The following CHD1 variants were observed in gnomAD, a reference collection of about 807,000 sequenced individuals.
CHD1 encodes ATP-dependent chromatin remodeler CHD1.
In CHD1, 36 loss-of-function variants were observed where a neutral mutation model predicts 224.2. The ratio of observed to expected loss-of-function variants is 0.16; its 90% CI spans 0.12 to 0.21. The LOEUF (loss-of-function observed/expected upper bound fraction) is 0.21, where lower values mean the gene tolerates loss of function less well. Ranked by LOEUF, CHD1 falls within the 10% of genes least tolerant of loss-of-function variation. CHD1 has a pLI of 1.00. For missense variants in CHD1, 1,378 were observed against 1,994.8 expected (o/e 0.69, Z 5.89); for synonymous variants, 668 against 658.3 (o/e 1.01, Z -0.23).
At chr5:98,861,764 C>T (rs967184306) in intron 32 of CHD1, among the ~76,000 whole-genome samples, 25 of 151,512 alleles carry the variant, frequency 1.7e-4, no homozygotes, top group Non-Finnish European at 2.9e-4. Context: ...GGCCTCCCAA[C>T]GTGCTGGGAT....
In CHD1 at chr5:98,855,027, CAT is replaced by C. The variant is rs1272062870; in HGVS notation, c.*1351_*1352del. On this transcript the variant is annotated 3_prime_UTR_variant, in exon 36 of 36. Transcript: ENST00000614616. The stretch of plus-strand genomic sequence containing the variant: ...CTAAGTTTTACTTCATAGGAATATT[CAT>C]AGTCTCCAAAACAGATTTAGTTGTA... 1 of 152,122 alleles carries C rather than the reference CAT, an allele frequency of 6.6e-6. No individual in the cohort carries two copies. Among genetic ancestry groups the C allele is most frequent in the Non-Finnish European group, 1.5e-5 (1 of 68,028 alleles). 9.4% of individuals were successfully genotyped at this position (152,122 alleles called of 1,614,324 possible).
intron 23 of CHD1, among the ~76,000 whole-genome samples, chr5:98,878,854 C>G (rs1279133231): frequency 1.3e-5 from 2 of 151,996 alleles, no homozygotes; most frequent in African/African-American, 4.8e-5. Context: ...GAAAAAGTAA[C>G]GCTTAAAGAA....
In CHD1 at chr5:98,898,441, G is replaced by A. The variant is rs1419719552; in HGVS notation, c.1187-7C>T. 1 of 1,551,128 alleles carries A rather than the reference G, an allele frequency of 6.4e-7. No homozygotes were observed. ...GACTTTTGATTGGAATGAGCTGTGA[G>A]AGAATCAGGCATTTACTTATTTATT... On this transcript the variant is annotated splice_polypyrimidine_tract_variant and splice_region_variant and intron_variant, in intron 9 of 35. Coordinates refer to ENST00000614616, the MANE Select transcript of CHD1 (RefSeq NM_001270.4).
intron 17 of CHD1, among the ~76,000 whole-genome samples, chr5:98,887,261 C>T (rs973268851): frequency 3.3e-5 from 5 of 152,130 alleles, no homozygotes; most frequent in African/African-American, 1.2e-4. Context: ...CACCAAATAC[C>T]TGTCCTTCTT....
chr5:98,877,310 G>A (rs1156643399), intron 23 of CHD1, among the ~76,000 whole-genome samples: 1 of 152,144 alleles, frequency 6.6e-6, no homozygotes, highest in African/African-American at 2.4e-5. Flanking sequence ...AGAAGAAAAA[G>A]TTCCAAATTA....
At chr5:98,861,066 G>A (rs1054115551) in intron 32 of CHD1, among the ~76,000 whole-genome samples, 1 of 152,022 alleles carries the variant, frequency 6.6e-6, no homozygotes, top group South Asian at 2.1e-4. Flanking sequence ...TATATCATCC[G>A]AATGACTGTC....
chr5:98,882,987 T>C, intron 19 of CHD1, 101 bp downstream of exon 19: 4 of 769,244 alleles, frequency 5.2e-6, no homozygotes, highest in African/African-American at 1.8e-5. Flanking sequence ...AGTATGACTG[T>C]TACAGTGATC....
Position 98,876,479 on chromosome 5 carries a change from C to T in CHD1, c.3317G>A (p.Gly1106Glu). 3.7e-6 allele frequency: 6 copies of T among 1,614,076 alleles called. No homozygotes were observed. Among genetic ancestry groups the T allele is most frequent in the Non-Finnish European group, 5.1e-6 (6 of 1,179,964 alleles). ...TCTTCCACGTTTCTTTGGCCTTTTCCCTTCTGAGATGGAATCACTATCAGA... is the reference window on the plus strand; with the variant it reads ...TCTTCCACGTTTCTTTGGCCTTTTCTCTTCTGAGATGGAATCACTATCAGA... ...SGSDSDSISE[G>E]KRPKKRGRPR... The change falls in exon 24 of 36, where the codon GGG becomes GAG. Residue 1106 changes from glycine (G) to glutamate (E), a missense_variant. Physicochemically the swap from Gly to Glu is moderately conservative, Grantham distance 98 (BLOSUM62 -2). Around this residue, in one of 16 missense-constraint regions of CHD1, gnomAD observed 286 missense variants for 445.1 expected, o/e 0.64. Coordinates refer to ENST00000614616, the MANE Select transcript of CHD1 (RefSeq NM_001270.4).
chr5:98,905,311 TGATA>T (rs1751977108), intron 2 of CHD1, among the ~76,000 whole-genome samples: 1 of 152,214 alleles, frequency 6.6e-6, no homozygotes, highest in Admixed American at 6.5e-5. Flanking sequence ...ATTACATACT[TGATA>T]GATTTATGAC....
chr5:98,868,170 A>C (rs1749042057), intron 31 of CHD1, among the ~76,000 whole-genome samples: 2 of 151,758 alleles, frequency 1.3e-5, no homozygotes. Flanking sequence ...CTTTACAAAA[A>C]ACTAAAAATT....
At chr5:98,888,495 G>A (rs990593601) in intron 16 of CHD1, among the ~76,000 whole-genome samples, 1 of 152,168 alleles carries the variant, frequency 6.6e-6, no homozygotes, top group Middle Eastern at 3.2e-3. Flanking sequence ...CACTCTGTTT[G>A]CTAGTTACTA....
At position 98,875,202 on chromosome 5, in the gene CHD1, C is replaced by T. The variant is rs1749661734; in HGVS notation, c.3399-89G>A. On this transcript the variant is annotated intron_variant, in intron 24 of 35. Coordinates refer to ENST00000614616, the MANE Select transcript of CHD1 (RefSeq NM_001270.4). Reference sequence around the variant, plus strand: ...TGATATTTACAGATATAAGAAAATACTTGTTAGTATAAAAATTCAAGGCAC... The same window carrying T: ...TGATATTTACAGATATAAGAAAATATTTGTTAGTATAAAAATTCAAGGCAC... 4.0e-6 allele frequency: 3 copies of T among 741,036 alleles called. No individual in the cohort carries two copies. The South Asian group carries it at 5.5e-5, about 14-fold the overall frequency. The allele number at this position is 741,036 out of a possible 1,614,324, so 45.9% of individuals were successfully genotyped here.
At chr5:98,896,029 C>A (rs947758473) in intron 12 of CHD1, among the ~76,000 whole-genome samples, 197 bp downstream of exon 12, 1 of 152,044 alleles carries the variant, frequency 6.6e-6, no homozygotes, top group Non-Finnish European at 1.5e-5. Context: ...ACAGTAAAAC[C>A]CTGTCTCCAC....
intron 15 of CHD1, chr5:98,889,908 T>C (rs1194704623): frequency 2.0e-5 from 3 of 152,214 alleles, no homozygotes; most frequent in African/African-American, 7.2e-5. Context: ...TAAAATAATA[T>C]CCATGGATGG....
intron 25 of CHD1, among the ~76,000 whole-genome samples, 199 bp from the exon 26 acceptor site, chr5:98,873,922 A>G (rs1268272997): frequency 6.6e-6 from 1 of 152,196 alleles, no homozygotes; most frequent in African/African-American, 2.4e-5. Context: ...TTCAATAATA[A>G]TGAGTTTAAT....
intron 2 of CHD1, among the ~76,000 whole-genome samples, chr5:98,907,160 T>C (rs1281384767): frequency 1.3e-5 from 2 of 152,362 alleles, no homozygotes. Flanking sequence ...TAGTACTGGC[T>C]GGAGATAAAA....
chr5:98,874,178 TAAAAC>T (rs565338433), intron 25 of CHD1, among the ~76,000 whole-genome samples: 103 of 152,176 alleles, frequency 6.8e-4, no homozygotes, highest in Non-Finnish European at 1.2e-3. Context: ...CATCTCAAAA[TAAAAC>T]AAAATATATC....
chr5:98,885,880 T>C (rs540445617), intron 17 of CHD1: 3 of 446,626 alleles, frequency 6.7e-6, no homozygotes, highest in African/African-American at 4.0e-5. Context: ...GTCATACTAT[T>C]CTGCCTGAGT....
chr5:98,870,952 G>C, intron 28 of CHD1, 149 bp from the exon 29 acceptor site: 1 of 439,314 alleles, frequency 2.3e-6, no homozygotes, highest in Non-Finnish European at 3.9e-6. Flanking sequence ...AATGCAAAAT[G>C]TATTTTTTAT....
Sources: gnomAD v4.1 joint callset for allele counts (sites outside exome capture counted in the v4.1 genomes callset) on GRCh38, gnomAD v4.1.1 for gene constraint, gnomAD v4.1.1 regional missense constraint, MANE v1.5 for transcripts, NCBI Gene and HGNC (gene_info 2026-07-23, HGNC 2026-07-21) for gene names.